CNTN6: variants seen among roughly 807,000 people sequenced by gnomAD.
CNTN6 encodes the protein contactin-6.
In CNTN6, 137 loss-of-function variants were observed where a neutral mutation model predicts 122.8. The observed-to-expected ratio is 1.12, with a 90% CI of 0.97 to 1.29. The LOEUF (loss-of-function observed/expected upper bound fraction) is 1.29. CNTN6 is among the 50% of genes most tolerant of loss of function. The probability of loss-of-function intolerance (pLI) is 0.00; values close to 1 mark genes in which losing one functional copy is unlikely to be tolerated. For synonymous variants in CNTN6, 570 were observed against 426.0 expected, an observed-to-expected ratio of 1.34 and a Z score of -4.16; for missense variants, 1,634 against 1,223.4, an observed-to-expected ratio of 1.34 and a Z score of -5.01.
At chr3:1,323,353 G>T (rs1701119155) in intron 8 of CNTN6, among the ~76,000 whole-genome samples, 1 of 151,700 alleles carries the variant, frequency 6.6e-6, no homozygotes, top group Non-Finnish European at 1.5e-5. Flanking sequence ...TCAACATGGT[G>T]GTCTAAGCTC....
At chr3:1,228,068 C>A (rs764915790) in intron 4 of CNTN6, 75 bp downstream of exon 4, 81 of 1,388,816 alleles carry the variant, frequency 5.8e-5, no homozygotes, top group Non-Finnish European at 7.8e-5. Context: ...TTTTAAAAAT[C>A]TAGCTTTGCC....
chr3:1,135,227 G>C (rs1227631567), intron 1 of CNTN6, among the ~76,000 whole-genome samples: 3 of 151,876 alleles, frequency 2.0e-5, no homozygotes, highest in Non-Finnish European at 4.4e-5. Context: ...CAAAATTCTT[G>C]CCTCTCTTTT....
At chr3:1,216,578 G>T (rs942041206) in intron 2 of CNTN6, among the ~76,000 whole-genome samples, 1 of 152,140 alleles carries the variant, frequency 6.6e-6, no homozygotes, top group African/African-American at 2.4e-5. Flanking sequence ...ATCATTTACA[G>T]GAACACTAAA....
Position 1,138,194 on chromosome 3 carries a change from A to T in CNTN6, c.-82-9733A>T, listed in dbSNP as rs997428859. Among the ~76,000 whole-genome samples, 57 of 152,224 alleles carry T rather than the reference A, an allele frequency of 3.7e-4. 1 individual carries two copies. Among genetic ancestry groups the T allele is most frequent in the African/African-American group, 1.4e-3 (57 of 41,466 alleles). On this transcript the variant is annotated intron_variant, in intron 1 of 22. Coordinates refer to ENST00000446702, the MANE Select transcript of CNTN6 (RefSeq NM_001289080.2). ...GAACACAATCCCTCTGTGTAGTTAC[A>T]CAAGTGCAGGTCAGGATGGAACTAG... is the stretch of plus-strand genomic sequence containing the variant.
At chr3:1,203,933 G>C (rs1235342465) in intron 2 of CNTN6, among the ~76,000 whole-genome samples, 2 of 152,164 alleles carry the variant, frequency 1.3e-5, no homozygotes, top group African/African-American at 4.8e-5. Flanking sequence ...GCAGTACTCA[G>C]TACAGTAACA....
intron 5 of CNTN6, among the ~76,000 whole-genome samples, chr3:1,282,071 C>A (rs1190114961): frequency 6.6e-6 from 1 of 151,906 alleles, no homozygotes; most frequent in East Asian, 1.9e-4. Flanking sequence ...ATTTACCCAG[C>A]AAAGAATGGC....
intron 2 of CNTN6, among the ~76,000 whole-genome samples, chr3:1,165,462 A>G (rs73105154): frequency 0.015 from 2,276 of 152,220 alleles, 50 homozygotes; most frequent in African/African-American, 0.051. Flanking sequence ...GATTCTTCTC[A>G]ACCTTGTATT....
intron 2 of CNTN6, among the ~76,000 whole-genome samples, chr3:1,158,782 GTATATA>G (rs765874868): frequency 2.2e-5 from 1 of 46,432 alleles, no homozygotes; most frequent in Non-Finnish European, 4.8e-5. Flanking sequence ...ATATATGTGT[GTATATA>G]TGTGTATATA....
In CNTN6 at chr3:1,327,863, C is replaced by T. The variant is rs1417333050; in HGVS notation, c.1213+277C>T. On this transcript the variant is annotated intron_variant, in intron 10 of 22. Transcript: ENST00000446702. The stretch of plus-strand genomic sequence containing the variant: ...CTAGCATGAATTTTTGAGTATAACT[C>T]AAAGAATATCTTTAGGAATATTTTC... 2.0e-5 allele frequency among the ~76,000 whole-genome samples: 3 copies of T among 151,668 alleles called. No individual in the cohort carries two copies. In the East Asian group the frequency reaches 5.8e-4, roughly 29 times the overall value.
At chr3:1,222,230 A>G (rs1326180456) in intron 3 of CNTN6, among the ~76,000 whole-genome samples, 2 of 152,146 alleles carry the variant, frequency 1.3e-5, no homozygotes, top group East Asian at 3.8e-4. Flanking sequence ...GGGACACTCA[A>G]TTCAGAGTTT....
intron 7 of CNTN6, among the ~76,000 whole-genome samples, chr3:1,310,695 T>C (rs1699089107): frequency 6.6e-6 from 1 of 152,130 alleles, no homozygotes; most frequent in Non-Finnish European, 1.5e-5. Flanking sequence ...AAAGAAGAAA[T>C]GTATGTACAT....
intron 2 of CNTN6, among the ~76,000 whole-genome samples, chr3:1,164,992 G>C (rs1426862116): frequency 6.6e-6 from 1 of 152,144 alleles, no homozygotes; most frequent in Non-Finnish European, 1.5e-5. Context: ...GGAGGGTATT[G>C]GGCTGTAATA....
intron 2 of CNTN6, among the ~76,000 whole-genome samples, chr3:1,184,939 G>A (rs1045696865): frequency 6.6e-6 from 1 of 152,092 alleles, no homozygotes; most frequent in African/African-American, 2.4e-5. Flanking sequence ...TTTTGGCTGT[G>A]TTTACAGCAT....
chr3:1,107,972 G>A lies in CNTN6; in HGVS notation c.-83+14852G>A, dbSNP rs138679301. Among the ~76,000 whole-genome samples the A allele has an allele frequency of 1.4e-3, 206 of 152,176 alleles. 4 individuals are homozygous for A. The East Asian group carries it at 0.019, about 14-fold the overall frequency. On this transcript the variant is annotated intron_variant, in intron 1 of 22. Coordinates refer to ENST00000446702, the MANE Select transcript of CNTN6 (RefSeq NM_001289080.2). ...GAAAGGTTTAGATTTGGAATCTCCA[G>A]TTGTGATGATAAATATAATTATAAT...
At chr3:1,197,106 T>G (rs2093788594) in intron 2 of CNTN6, among the ~76,000 whole-genome samples, 1 of 152,236 alleles carries the variant, frequency 6.6e-6, no homozygotes, top group Non-Finnish European at 1.5e-5. Flanking sequence ...TCCTCTTGAT[T>G]GCCCACGTTT....
chr3:1,392,387 C>T (rs1353322299), intron 20 of CNTN6, among the ~76,000 whole-genome samples: 2 of 152,280 alleles, frequency 1.3e-5, no homozygotes, highest in South Asian at 2.1e-4. Context: ...CTTCCTTACA[C>T]CTTATACAAA....
intron 2 of CNTN6, among the ~76,000 whole-genome samples, chr3:1,210,494 C>T (rs991115347): frequency 6.6e-6 from 1 of 152,140 alleles, no homozygotes; most frequent in African/African-American, 2.4e-5. Flanking sequence ...TTTAGTCTAG[C>T]TTAAGCTCTA....
chr3:1,325,488 C>T (rs1374360783), intron 8 of CNTN6, among the ~76,000 whole-genome samples: 3 of 151,770 alleles, frequency 2.0e-5, no homozygotes, highest in Admixed American at 6.6e-5. Flanking sequence ...CTAACTTGAC[C>T]TATGTTCTAA....
At position 1,278,543 on chromosome 3, in the gene CNTN6, C is replaced by A. The variant is rs369467745; in HGVS notation, c.454+35C>A. 2 of 1,445,838 alleles carry A rather than the reference C, an allele frequency of 1.4e-6. No homozygotes were observed. Among genetic ancestry groups the A allele is most frequent in the Non-Finnish European group, 1.9e-6 (2 of 1,033,000 alleles). The allele number at this position is 1,445,838 out of a possible 1,614,324, so 89.6% of individuals were successfully genotyped here. A position where few individuals can be genotyped will look rare whatever the true frequency, so the allele number is the denominator to read the frequency against. ...GGTGATTTGGGTCATATCATCAATG[C>A]GGTCACTTGGAGAGTGATGTGAGCA... On this transcript the variant is annotated intron_variant, in intron 5 of 22. Transcript: ENST00000446702.
Sources: gnomAD v4.1 joint callset for allele counts (sites outside exome capture counted in the v4.1 genomes callset) on GRCh38, gnomAD v4.1.1 for gene constraint, MANE v1.5 for transcripts, NCBI Gene and HGNC (gene_info 2026-07-23, HGNC 2026-07-21) for gene names.